The following MTR variants were observed in gnomAD, a reference collection of about 807,000 sequenced individuals.
The protein encoded by MTR is 5-methyltetrahydrofolate-homocysteine methyltransferase, also known as methionine synthase.
Under a neutral mutation model 154.8 loss-of-function variants are expected in MTR, and 84 were observed. That is an observed-to-expected ratio of 0.54 (90% CI 0.45 to 0.65). The LOEUF (loss-of-function observed/expected upper bound fraction) is 0.65, where lower values mean the gene tolerates loss of function less well. Ranked by LOEUF, MTR falls within the 30% of genes least tolerant of loss-of-function variation. The pLI is 0.00. For missense variants in MTR, 1,275 were observed against 1,570.2 expected (o/e 0.81, Z 3.18); for synonymous variants, 554 against 553.9 (o/e 1.00, Z 0.00).
chr1:236,810,546 G>A lies in MTR; in HGVS notation c.453G>A (p.Lys151=), dbSNP rs1449533503. The A allele has an allele frequency of 1.2e-6, 2 of 1,613,880 alleles. No individual in the cohort carries two copies. Among genetic ancestry groups the A allele is most frequent in the Admixed American group, 1.7e-5 (1 of 60,020 alleles). The change falls in exon 5 of 33, where the codon AAG becomes AAA. Residue 151 remains lysine, a synonymous_variant. Coordinates refer to ENST00000366577, the MANE Select transcript of MTR (RefSeq NM_000254.3). ...CAGGGGCTCTGGGTCCGACTAATAA[G>A]ACACTCTCTGTGTCCCCATCTGTGG... ...FVAGALGPTN[K]TLSVSPSVER...
Position 236,795,402 on chromosome 1 carries a change from G to C in MTR, c.-302G>C, listed in dbSNP as rs976888231. On this transcript the variant is annotated 5_prime_UTR_variant, in exon 1 of 33. Coordinates refer to ENST00000366577, the MANE Select transcript of MTR (RefSeq NM_000254.3). ...TGGGTCCTTTTCCGTGCCGTCCCGC[G>C]ACTCCGCCTCTGGCCGCGCGTGTCT... The C allele has an allele frequency of 2.8e-6, 4 of 1,443,344 alleles. No individual in the cohort carries two copies. The Admixed American group carries it at 6.3e-5, about 23-fold the overall frequency. The allele number at this position is 1,443,344 out of a possible 1,614,324, so 89.4% of individuals were successfully genotyped here. A position where few individuals can be genotyped will look rare whatever the true frequency, so the allele number is the denominator to read the frequency against.
chr1:236,855,421 A>G (rs185644859), intron 18 of MTR, among the ~76,000 whole-genome samples: 2 of 152,326 alleles, frequency 1.3e-5, no homozygotes, highest in East Asian at 1.9e-4. Context: ...TGTAATTTAC[A>G]TGGAGGATCT....
chr1:236,879,813 C>A (rs772852575), intron 24 of MTR, among the ~76,000 whole-genome samples: 1 of 152,068 alleles, frequency 6.6e-6, no homozygotes, highest in Non-Finnish European at 1.5e-5. Flanking sequence ...CCAACATTTT[C>A]AAGTTTGGTA....
intron 30 of MTR, 153 bp from the exon 31 acceptor site, chr1:236,895,205 A>G (rs1464941703): frequency 1.1e-6 from 1 of 889,624 alleles, no homozygotes; most frequent in African/African-American, 1.7e-5. Context: ...AAACCAATCA[A>G]GAATCCAGCC....
chr1:236,878,704 G>T (rs1282012434), intron 24 of MTR, among the ~76,000 whole-genome samples: 6 of 152,222 alleles, frequency 3.9e-5, no homozygotes, highest in Admixed American at 3.9e-4. Flanking sequence ...TGTTGGACAA[G>T]CTTAGTCTAG....
chr1:236,869,733 G>C (rs895704868), intron 22 of MTR, among the ~76,000 whole-genome samples: 2 of 152,172 alleles, frequency 1.3e-5, no homozygotes, highest in African/African-American at 2.4e-5. Context: ...ATGGTGGGAA[G>C]AATGGTAGCA....
At chr1:236,844,453 CGT>C (rs58179715) in intron 15 of MTR, among the ~76,000 whole-genome samples, 2,647 of 145,292 alleles carry the variant, frequency 0.018, 44 homozygotes, top group Admixed American at 0.03. Context: ...TCAGAAAGGG[CGT>C]GTGTGTGTGT....
Position 236,801,534 on chromosome 1 carries a change from T to C in MTR, c.35-1894T>C, listed in dbSNP as rs550663194. ...TGTAAGTTTGCACCCAATACCAGCT[T>C]ACAAATATTCTTACATTACTGGTTT... On this transcript the variant is annotated intron_variant, in intron 1 of 32. Coordinates refer to ENST00000366577, the MANE Select transcript of MTR (RefSeq NM_000254.3). Among the ~76,000 whole-genome samples the C allele has an allele frequency of 4.6e-5, 7 of 152,322 alleles. No individual in the cohort carries two copies. The South Asian group carries it at 1.5e-3, about 32-fold the overall frequency.
intron 16 of MTR, among the ~76,000 whole-genome samples, chr1:236,851,326 C>T (rs4456082): frequency 0.43 from 64,695 of 151,968 alleles, 13,964 homozygotes; most frequent in East Asian, 0.46. Flanking sequence ...CACTTTTATG[C>T]GTTTTGTTGG....
At chr1:236,895,187 G>T (rs1666552561) in intron 30 of MTR, 171 bp from the exon 31 acceptor site, 4 of 773,020 alleles carry the variant, frequency 5.2e-6, no homozygotes, top group Non-Finnish European at 8.7e-6. Context: ...AGCAGCTGAT[G>T]AAAGTACAAA....
In MTR at chr1:236,806,141, C is replaced by T; in HGVS notation, c.250-3C>T. 1 of 1,613,132 alleles carries T rather than the reference C, an allele frequency of 6.2e-7. No homozygotes were observed. The highest frequency in any genetic ancestry group is 2.2e-5 in the East Asian group (1 of 44,874). On this transcript the variant is annotated splice_polypyrimidine_tract_variant and splice_region_variant and intron_variant, in intron 2 of 32. Coordinates refer to ENST00000366577, the MANE Select transcript of MTR (RefSeq NM_000254.3). ...TAATTGACATTATAATCTCTTGTTG[C>T]AGGAATACTTGCTGGCTGGGGCAGA...
chr1:236,839,461 AAAT>A (rs1663104478), intron 15 of MTR, among the ~76,000 whole-genome samples: 1 of 152,224 alleles, frequency 6.6e-6, no homozygotes, highest in African/African-American at 2.4e-5. Flanking sequence ...AAAAGTAAAG[AAAT>A]AATGAGATTA....
chr1:236,885,054 C>A, intron 25 of MTR, 67 bp from the exon 26 acceptor site: 2 of 965,382 alleles, frequency 2.1e-6, no homozygotes, highest in Non-Finnish European at 3.4e-6. Flanking sequence ...GAGGTGTTAT[C>A]AGCATTGACC....
chr1:236,877,163 C>G (rs554541413), intron 24 of MTR, among the ~76,000 whole-genome samples: 2 of 152,326 alleles, frequency 1.3e-5, no homozygotes, highest in African/African-American at 4.8e-5. Context: ...TGTAGAATTT[C>G]CCAGTTCTGA....
intron 9 of MTR, 132 bp from the exon 10 acceptor site, chr1:236,825,206 T>C (rs1445985129): frequency 3.9e-6 from 2 of 512,802 alleles, no homozygotes; most frequent in South Asian, 5.8e-5. Context: ...GTGAATATTA[T>C]GTGTTTGTTT....
At chr1:236,846,273 C>G (rs1196243046) in intron 15 of MTR, among the ~76,000 whole-genome samples, 2 of 152,116 alleles carry the variant, frequency 1.3e-5, no homozygotes, top group Non-Finnish European at 2.9e-5. Context: ...TTCTCTTTTT[C>G]TAAATGAAAT....
rs983412827 is a variant in MTR, at chr1:236,903,567, G to T, written c.*5923G>T. The T allele has an allele frequency of 1.3e-5, 2 of 152,146 alleles. No individual in the cohort carries two copies. The highest frequency in any genetic ancestry group is 2.9e-5 in the Non-Finnish European group (2 of 68,034). The allele number at this position is 152,146 out of a possible 1,614,324, so 9.4% of individuals were successfully genotyped here. On this transcript the variant is annotated 3_prime_UTR_variant, in exon 33 of 33. Coordinates refer to ENST00000366577, the MANE Select transcript of MTR (RefSeq NM_000254.3). ...AAATTCTCGCCCAGGAAAGTATCTTGGATTAAATGGTTTTTGAGAACCTTG... is the reference window on the plus strand; with the variant it reads ...AAATTCTCGCCCAGGAAAGTATCTTTGATTAAATGGTTTTTGAGAACCTTG...
chr1:236,859,727 AAAG>A, intron 18 of MTR, 103 bp from the exon 19 acceptor site: 1 of 882,922 alleles, frequency 1.1e-6, no homozygotes, highest in East Asian at 2.5e-5. Context: ...TGGAAAAGTA[AAAG>A]AAGAATAAGA....
intron 6 of MTR, among the ~76,000 whole-genome samples, chr1:236,815,068 A>G (rs1470209569): frequency 1.3e-5 from 2 of 152,238 alleles, no homozygotes; most frequent in Non-Finnish European, 2.9e-5. Flanking sequence ...TTGTACCTTT[A>G]CTACCTAATC....
Sources: gnomAD v4.1 joint callset for allele counts (sites outside exome capture counted in the v4.1 genomes callset) on GRCh38, gnomAD v4.1.1 for gene constraint, MANE v1.5 for transcripts, NCBI Gene and HGNC (gene_info 2026-07-23, HGNC 2026-07-21) for gene names.